The following SLAMF1 variants were observed in gnomAD, a reference collection of about 807,000 sequenced individuals.
SLAMF1 encodes signaling lymphocytic activation molecule.
In SLAMF1, 18 loss-of-function variants were observed where a neutral mutation model predicts 35.1. The observed-to-expected ratio is 0.51, with a 90% CI of 0.35 to 0.76. The LOEUF (loss-of-function observed/expected upper bound fraction) is 0.76, where lower values mean the gene tolerates loss of function less well. Among genes scored for constraint, SLAMF1 ranks in the 30% least tolerant of loss-of-function variants. The probability of loss-of-function intolerance (pLI) is 0.01; values close to 1 mark genes in which losing one functional copy is unlikely to be tolerated. For synonymous variants in SLAMF1, 168 were observed against 157.2 expected (o/e 1.07, Z -0.51); for missense variants, 392 against 413.0 (o/e 0.95, Z 0.44).
intron 3 of SLAMF1, among the ~76,000 whole-genome samples, chr1:160,624,933 A>G (rs1659801598): frequency 6.6e-6 from 1 of 152,262 alleles, no homozygotes; most frequent in African/African-American, 2.4e-5. Context: ...CAATAAGATT[A>G]TAATGAACAA....
At chr1:160,628,115 A>G (rs1447745697) in intron 3 of SLAMF1, among the ~76,000 whole-genome samples, 3 of 152,194 alleles carry the variant, frequency 2.0e-5, no homozygotes, top group African/African-American at 7.2e-5. Context: ...TTTCCTTTAT[A>G]AATCACCCAG....
At chr1:160,611,969 A>G (rs1570960460) in intron 6 of SLAMF1, among the ~76,000 whole-genome samples, 1 of 152,070 alleles carries the variant, frequency 6.6e-6, no homozygotes, top group Admixed American at 6.5e-5. Context: ...GCTACTCTCC[A>G]TAGACATTTT....
In SLAMF1 at chr1:160,636,198, C is replaced by T. The variant is rs549413023; in HGVS notation, c.415+993G>A. On this transcript the variant is annotated intron_variant, in intron 2 of 6. Coordinates refer to ENST00000302035, the MANE Select transcript of SLAMF1 (RefSeq NM_003037.5). ...GAAAATGCATCATGTGCAGCCTCCACGCTCATGGCAGTCGTGCCTGGAGCC... is the reference window on the plus strand; with the variant it reads ...GAAAATGCATCATGTGCAGCCTCCATGCTCATGGCAGTCGTGCCTGGAGCC... Among the ~76,000 whole-genome samples the T allele has an allele frequency of 9.2e-5, 14 of 152,338 alleles. No individual in the cohort carries two copies. The South Asian group carries it at 1.4e-3, about 16-fold the overall frequency.
intron 5 of SLAMF1, among the ~76,000 whole-genome samples, chr1:160,618,377 T>C (rs1224193013): frequency 2.0e-5 from 3 of 151,674 alleles, no homozygotes; most frequent in African/African-American, 7.3e-5. Context: ...GGAGTGGGTA[T>C]GCATGAGTGT....
At chr1:160,617,782 C>G (rs1293285966) in intron 5 of SLAMF1, among the ~76,000 whole-genome samples, 1 of 152,010 alleles carries the variant, frequency 6.6e-6, no homozygotes, top group Non-Finnish European at 1.5e-5. Context: ...TTAGAAGACT[C>G]AATACTGAGG....
intron 3 of SLAMF1, among the ~76,000 whole-genome samples, chr1:160,630,121 C>G (rs1034009331): frequency 2.0e-5 from 3 of 152,150 alleles, no homozygotes; most frequent in African/African-American, 7.2e-5. Flanking sequence ...TTCCTTCATT[C>G]TAGCACAGCC....
In SLAMF1 at chr1:160,610,672, G is replaced by T; in HGVS notation, c.*76C>A. 6.7e-6 allele frequency: 7 copies of T among 1,050,830 alleles called. No homozygotes were observed. In the South Asian group the frequency reaches 8.9e-5, roughly 13 times the overall value. 65.1% of individuals were successfully genotyped at this position (1,050,830 alleles called of 1,614,324 possible). A position where few individuals can be genotyped will look rare whatever the true frequency, so the allele number is the denominator to read the frequency against. On this transcript the variant is annotated 3_prime_UTR_variant, in exon 7 of 7. Transcript: ENST00000302035. ...CAGCATGTCTGCCAGAGGAAACTTG[G>T]GGCCTGTGGCCAAGTTCAGTGTTCA...
At chr1:160,623,227 G>T (rs1422444095) in intron 4 of SLAMF1, among the ~76,000 whole-genome samples, 1 of 152,130 alleles carries the variant, frequency 6.6e-6, no homozygotes, top group Non-Finnish European at 1.5e-5. Flanking sequence ...TATAGTATGA[G>T]CTAAATGTGA....
chr1:160,632,986 A>T (rs536268132), intron 3 of SLAMF1, among the ~76,000 whole-genome samples: 1 of 152,290 alleles, frequency 6.6e-6, no homozygotes, highest in East Asian at 1.9e-4. Context: ...TGTGAGGATT[A>T]ACTGAGATGC....
intron 2 of SLAMF1, among the ~76,000 whole-genome samples, chr1:160,636,232 A>C (rs547487890): frequency 1.3e-5 from 2 of 152,310 alleles, no homozygotes; most frequent in East Asian, 3.9e-4. Flanking sequence ...CCACTGCTGG[A>C]AATGACTCTC....
intron 6 of SLAMF1, among the ~76,000 whole-genome samples, chr1:160,611,532 T>C (rs1162984179): frequency 6.6e-6 from 1 of 152,098 alleles, no homozygotes; most frequent in East Asian, 1.9e-4. Context: ...CTTTGAAAAA[T>C]AAGGTGGATG....
chr1:160,631,035 T>C (rs1397022972), intron 3 of SLAMF1, among the ~76,000 whole-genome samples: 3 of 152,212 alleles, frequency 2.0e-5, no homozygotes, highest in Non-Finnish European at 4.4e-5. Context: ...TCTCGGATCA[T>C]TGTTTACTTA....
chr1:160,630,673 G>A (rs1227123059), intron 3 of SLAMF1, among the ~76,000 whole-genome samples: 1 of 151,976 alleles, frequency 6.6e-6, no homozygotes, highest in Non-Finnish European at 1.5e-5. Context: ...CTGCAATAAT[G>A]GCCCCCAGGA....
chr1:160,610,286 C>T lies in SLAMF1; in HGVS notation c.*462G>A, dbSNP rs1369274490. ...AGGCACAGAGGCTTGATCAGGTCTG[C>T]AGGTTATCATGATCAGCTCCCAGAA... On this transcript the variant is annotated 3_prime_UTR_variant, in exon 7 of 7. Transcript: ENST00000302035. 4 of 456,750 alleles carry T rather than the reference C, an allele frequency of 8.8e-6. No homozygotes were observed. The highest frequency in any genetic ancestry group is 1.8e-5 in the Non-Finnish European group (4 of 227,090). The allele number at this position is 456,750 out of a possible 1,614,324, so 28.3% of individuals were successfully genotyped here. A position where few individuals can be genotyped will look rare whatever the true frequency, so the allele number is the denominator to read the frequency against.
intron 5 of SLAMF1, among the ~76,000 whole-genome samples, chr1:160,615,956 C>G (rs1370126270): frequency 6.6e-6 from 1 of 152,152 alleles, no homozygotes; most frequent in Non-Finnish European, 1.5e-5. Context: ...GGATGTGCCT[C>G]CTTGATTTTG....
intron 5 of SLAMF1, 111 bp from the exon 6 acceptor site, chr1:160,612,691 C>T: frequency 3.1e-6 from 2 of 655,450 alleles, no homozygotes; most frequent in Non-Finnish European, 5.4e-6. Flanking sequence ...AAAGTTCCTT[C>T]CAGTCATTTG....
intron 1 of SLAMF1, among the ~76,000 whole-genome samples, chr1:160,638,084 T>C (rs1660548254): frequency 6.6e-6 from 1 of 152,084 alleles, no homozygotes. Flanking sequence ...CACCCTGAGA[T>C]AGTTAATAAT....
At chr1:160,636,489 G>A (rs978195634) in intron 2 of SLAMF1, among the ~76,000 whole-genome samples, 4 of 152,210 alleles carry the variant, frequency 2.6e-5, no homozygotes, top group African/African-American at 9.6e-5. Flanking sequence ...CTGGGCCTAA[G>A]AGACACAATC....
At chr1:160,639,253 T>G (rs1660617036) in intron 1 of SLAMF1, among the ~76,000 whole-genome samples, 1 of 151,824 alleles carries the variant, frequency 6.6e-6, no homozygotes, top group Admixed American at 6.6e-5. Context: ...TGAGATGGAG[T>G]CTTGTGCTGT....
Sources: allele counts gnomAD v4.1 joint callset (sites outside exome capture counted in the v4.1 genomes callset), GRCh38; gene constraint gnomAD v4.1.1; transcripts MANE v1.5; gene names NCBI Gene and HGNC (gene_info 2026-07-23, HGNC 2026-07-21).